CWC27: variants seen among roughly 807,000 people sequenced by gnomAD.
CWC27 encodes the protein spliceosome-associated protein CWC27 homolog.
CWC27 carries 47 observed loss-of-function variants against 63.6 expected under a neutral mutation model. That is an observed-to-expected ratio of 0.74 (90% CI 0.58 to 0.94). The LOEUF (loss-of-function observed/expected upper bound fraction) is 0.94. Ranked by LOEUF, CWC27 falls within the 40% of genes least tolerant of loss-of-function variation. The pLI, the probability that CWC27 is intolerant of heterozygous loss-of-function variation, is 0.00. For missense variants in CWC27, 495 were observed against 554.3 expected, an observed-to-expected ratio of 0.89 and a Z score of 1.07; for synonymous variants, 175 against 179.8, an observed-to-expected ratio of 0.97 and a Z score of 0.22.
At chr5:64,975,090 G>T (rs577454353) in intron 12 of CWC27, among the ~76,000 whole-genome samples, 1 of 152,292 alleles carries the variant, frequency 6.6e-6, no homozygotes, top group Admixed American at 6.5e-5. Flanking sequence ...TCATTCAGTA[G>T]CTATGATAAT....
At chr5:64,818,795 T>C (rs1020912745) in intron 10 of CWC27, among the ~76,000 whole-genome samples, 8 of 152,212 alleles carry the variant, frequency 5.3e-5, no homozygotes, top group African/African-American at 1.2e-4. Context: ...ACATTGCAGT[T>C]ATTCAACAGC....
chr5:64,808,708 C>T (rs543844808), intron 10 of CWC27: 1 of 152,054 alleles, frequency 6.6e-6, no homozygotes, highest in Non-Finnish European at 1.5e-5. Context: ...ATATCTTAAG[C>T]ATATAGTAAC....
intron 11 of CWC27, among the ~76,000 whole-genome samples, chr5:64,953,993 C>G (rs1415105808): frequency 6.6e-6 from 1 of 152,134 alleles, no homozygotes; most frequent in African/African-American, 2.4e-5. Flanking sequence ...CTAAAAAATT[C>G]CTTTCCTTTT....
chr5:64,920,567 C>T (rs183059483), intron 11 of CWC27, among the ~76,000 whole-genome samples: 101 of 152,290 alleles, frequency 6.6e-4, no homozygotes, highest in African/African-American at 2.2e-3. Context: ...TAGAATTCAG[C>T]TGTGAATCCA....
chr5:64,823,409 G>A (rs891288249), intron 10 of CWC27, among the ~76,000 whole-genome samples: 4 of 152,192 alleles, frequency 2.6e-5, no homozygotes, highest in East Asian at 1.9e-4. Context: ...TCTTTTAAGC[G>A]ACTGTATTTA....
chr5:64,788,101 T>C (rs1407898938), intron 6 of CWC27, among the ~76,000 whole-genome samples: 3 of 152,138 alleles, frequency 2.0e-5, no homozygotes, highest in Non-Finnish European at 2.9e-5. Flanking sequence ...ATTGGAATTA[T>C]TTATTTGATT....
At chr5:64,793,863 T>A (rs1744163848) in intron 7 of CWC27, among the ~76,000 whole-genome samples, 1 of 152,174 alleles carries the variant, frequency 6.6e-6, no homozygotes, top group Non-Finnish European at 1.5e-5. Flanking sequence ...GAGGCTTTAC[T>A]TTATGTGAAA....
chr5:64,948,430 T>C (rs1268611322), intron 11 of CWC27, among the ~76,000 whole-genome samples: 1 of 151,890 alleles, frequency 6.6e-6, no homozygotes, highest in Non-Finnish European at 1.5e-5. Context: ...TTTTATCTAG[T>C]AGATGTACTA....
chr5:64,910,732 C>T (rs1483703632), intron 11 of CWC27, among the ~76,000 whole-genome samples: 5 of 152,206 alleles, frequency 3.3e-5, no homozygotes, highest in Non-Finnish European at 7.3e-5. Flanking sequence ...GTGAGCAAGG[C>T]TCTGTGGGCA....
chr5:64,916,785 A>G (rs1187897623), intron 11 of CWC27, among the ~76,000 whole-genome samples: 1 of 152,150 alleles, frequency 6.6e-6, no homozygotes, highest in Non-Finnish European at 1.5e-5. Context: ...CACTTTCTTC[A>G]TCTGTAAAAT....
intron 10 of CWC27, among the ~76,000 whole-genome samples, chr5:64,805,630 A>C (rs1744643615): frequency 6.6e-6 from 1 of 152,030 alleles, no homozygotes; most frequent in Non-Finnish European, 1.5e-5. Flanking sequence ...TGAGCCAACC[A>C]AATATTTATT....
At position 64,815,496 on chromosome 5, in the gene CWC27, A is replaced by G. The variant is rs546967053; in HGVS notation, c.938+11110A>G. On this transcript the variant is annotated intron_variant, in intron 10 of 13. Coordinates refer to ENST00000381070, the MANE Select transcript of CWC27 (RefSeq NM_005869.4). ...AAGCCTGATGTCAATAGGATGAAGT[A>G]TAAACCTTTCATAGGGAGGAGCAGT... Among the ~76,000 whole-genome samples, 102 of 152,358 alleles carry G rather than the reference A, an allele frequency of 6.7e-4. 2 individuals are homozygous for G. Among genetic ancestry groups the G allele is most frequent in the African/African-American group, 2.4e-3 (100 of 41,594 alleles).
intron 10 of CWC27, among the ~76,000 whole-genome samples, chr5:64,812,827 T>C (rs1744915325): frequency 6.6e-6 from 1 of 152,168 alleles, no homozygotes; most frequent in South Asian, 2.1e-4. Flanking sequence ...AGAATAAGAA[T>C]TGTCAACAAT....
intron 11 of CWC27, among the ~76,000 whole-genome samples, chr5:64,959,979 A>T (rs544441721): frequency 2.6e-4 from 40 of 152,334 alleles, no homozygotes; most frequent in African/African-American, 9.6e-4. Flanking sequence ...ATGAGGGGAA[A>T]ATTTGATTAA....
rs535671094 is a variant in CWC27, at chr5:64,894,575, G to A, written c.1042+9029G>A. On this transcript the variant is annotated intron_variant, in intron 11 of 13. Transcript: ENST00000381070. ...GAATGACAAAAGATTATTATGTAATGGAACACATCAATTTCTGTCACTATG... is the reference window on the plus strand; with the variant it reads ...GAATGACAAAAGATTATTATGTAATAGAACACATCAATTTCTGTCACTATG... 2.1e-4 allele frequency among the ~76,000 whole-genome samples: 32 copies of A among 152,194 alleles called. No homozygotes were observed. The South Asian group carries it at 6.2e-3, about 30-fold the overall frequency.
At chr5:64,943,580 A>G (rs1005842522) in intron 11 of CWC27, among the ~76,000 whole-genome samples, 2 of 152,324 alleles carry the variant, frequency 1.3e-5, no homozygotes, top group South Asian at 2.1e-4. Context: ...TACTTATTCA[A>G]TGTCTACTAT....
At chr5:64,945,108 C>T (rs1377175819) in intron 11 of CWC27, among the ~76,000 whole-genome samples, 1 of 152,096 alleles carries the variant, frequency 6.6e-6, no homozygotes, top group Non-Finnish European at 1.5e-5. Context: ...TGTGGTTCCT[C>T]CAGATGTTCA....
intron 9 of CWC27, among the ~76,000 whole-genome samples, chr5:64,801,755 T>G (rs1418583827): frequency 6.6e-6 from 1 of 152,182 alleles, no homozygotes; most frequent in African/African-American, 2.4e-5. Context: ...TTTCAAAAGA[T>G]TCTCATTCAA....
At chr5:64,884,188 G>C (rs796473104) in intron 10 of CWC27, 26 of 152,192 alleles carry the variant, frequency 1.7e-4, no homozygotes, top group African/African-American at 6.0e-4. Flanking sequence ...GCTAGAATGG[G>C]GCTGATGGAC....
Sources: gnomAD v4.1 joint callset for allele counts (sites outside exome capture counted in the v4.1 genomes callset) on GRCh38, gnomAD v4.1.1 for gene constraint, MANE v1.5 for transcripts, NCBI Gene and HGNC (gene_info 2026-07-23, HGNC 2026-07-21) for gene names.